The following AGBL4 variants were observed in gnomAD, a reference collection of about 807,000 sequenced individuals.
AGBL4 encodes the protein AGBL carboxypeptidase 4.
A neutral mutation model predicts 66.4 loss-of-function variants in AGBL4; 58 were observed. The observed-to-expected ratio is 0.87, with a 90% CI of 0.71 to 1.09. The LOEUF is 1.09. Among genes scored for constraint, AGBL4 ranks in the 50% least tolerant of loss-of-function variants. The pLI is 0.00. For synonymous variants in AGBL4, 234 were observed against 222.9 expected (o/e 1.05, Z -0.44); for missense variants, 579 against 631.0 (o/e 0.92, Z 0.88).
At chr1:49,761,261 T>A (rs898467235) in intron 2 of AGBL4, among the ~76,000 whole-genome samples, 1 of 152,082 alleles carries the variant, frequency 6.6e-6, no homozygotes, top group Non-Finnish European at 1.5e-5. Context: ...AAAAGAAGGC[T>A]ATCATACTTT....
intron 3 of AGBL4, among the ~76,000 whole-genome samples, chr1:49,565,736 A>G (rs1197956522): frequency 6.6e-6 from 1 of 150,542 alleles, no homozygotes; most frequent in East Asian, 2.0e-4. Flanking sequence ...TGCCCTTAAC[A>G]TTTTTTCCAT....
intron 1 of AGBL4, among the ~76,000 whole-genome samples, chr1:49,934,267 T>C (rs1653688900): frequency 6.6e-6 from 1 of 152,098 alleles, no homozygotes; most frequent in South Asian, 2.1e-4. Context: ...AGAAAATCAA[T>C]AAAAGATAAA....
intron 5 of AGBL4, among the ~76,000 whole-genome samples, chr1:48,910,038 A>G (rs1164315049): frequency 6.6e-6 from 1 of 152,200 alleles, no homozygotes; most frequent in Non-Finnish European, 1.5e-5. Flanking sequence ...TCAAATTTTT[A>G]TTTCCTAGAA....
At chr1:49,080,548 G>A (rs182522882) in intron 4 of AGBL4, among the ~76,000 whole-genome samples, 15 of 152,202 alleles carry the variant, frequency 9.9e-5, no homozygotes, top group African/African-American at 3.4e-4. Context: ...GAAATCACAG[G>A]TCAAGGCAGT....
At chr1:49,170,990 C>T (rs1646728168) in intron 4 of AGBL4, among the ~76,000 whole-genome samples, 1 of 152,112 alleles carries the variant, frequency 6.6e-6, no homozygotes, top group African/African-American at 2.4e-5. Flanking sequence ...TCAGAAATCA[C>T]AAAGTGTTTC....
intron 6 of AGBL4, among the ~76,000 whole-genome samples, chr1:48,841,730 G>T (rs1384653346): frequency 1.3e-5 from 2 of 151,988 alleles, no homozygotes; most frequent in Non-Finnish European, 2.9e-5. Context: ...TATGGTTTTC[G>T]ATGGATCCTT....
intron 3 of AGBL4, among the ~76,000 whole-genome samples, chr1:49,516,708 G>T (rs1649856774): frequency 6.6e-6 from 1 of 152,014 alleles, no homozygotes; most frequent in Non-Finnish European, 1.5e-5. Context: ...TGGGGATGGA[G>T]GAAGTGCTGT....
intron 1 of AGBL4, among the ~76,000 whole-genome samples, chr1:49,956,166 A>G (rs779434092): frequency 2.0e-5 from 3 of 151,896 alleles, no homozygotes; most frequent in Non-Finnish European, 2.9e-5. Flanking sequence ...AAATTGTGTG[A>G]TGAGCAATTA....
At chr1:49,471,079 C>G (rs917105570) in intron 3 of AGBL4, among the ~76,000 whole-genome samples, 1 of 152,006 alleles carries the variant, frequency 6.6e-6, no homozygotes, top group Non-Finnish European at 1.5e-5. Context: ...TGAAAAATCT[C>G]AGCTTAAAGA....
intron 3 of AGBL4, among the ~76,000 whole-genome samples, chr1:49,315,517 G>A (rs1356575793): frequency 2.0e-5 from 3 of 151,928 alleles, no homozygotes; most frequent in Admixed American, 2.0e-4. Flanking sequence ...CTAATATCTA[G>A]AATCTACAAA....
chr1:48,573,282 C>T (rs1569846223), intron 11 of AGBL4, among the ~76,000 whole-genome samples: 1 of 152,298 alleles, frequency 6.6e-6, no homozygotes, highest in East Asian at 1.9e-4. Context: ...AAGGTAGGTG[C>T]AGTAGGGAGA....
At chr1:49,753,454 C>T (rs1224632449) in intron 2 of AGBL4, among the ~76,000 whole-genome samples, 1 of 152,224 alleles carries the variant, frequency 6.6e-6, no homozygotes, top group Admixed American at 6.5e-5. Flanking sequence ...GTCTGATGGG[C>T]TTCCCTTTGC....
intron 1 of AGBL4, among the ~76,000 whole-genome samples, chr1:49,949,266 A>C (rs1229475116): frequency 1.3e-5 from 2 of 151,954 alleles, no homozygotes; most frequent in African/African-American, 4.8e-5. Context: ...TAAAAATTCT[A>C]AAAAATAACA....
Position 49,552,136 on chromosome 1 carries a change from C to T in AGBL4, c.282+145177G>A, listed in dbSNP as rs545053463. On this transcript the variant is annotated intron_variant, in intron 3 of 13. Coordinates refer to ENST00000371839, the MANE Select transcript of AGBL4 (RefSeq NM_032785.4). ...CCAGCTCCCATGCAAACTGAAGGGCCGGTCTCACTCCCACCGTGCCCTCAC... is the reference window on the plus strand; with the variant it reads ...CCAGCTCCCATGCAAACTGAAGGGCTGGTCTCACTCCCACCGTGCCCTCAC... 1.1e-4 allele frequency among the ~76,000 whole-genome samples: 16 copies of T among 152,140 alleles called. No individual in the cohort carries two copies. In the East Asian group the frequency reaches 1.2e-3, roughly 11 times the overall value.
At chr1:49,448,170 C>A (rs1325708498) in intron 3 of AGBL4, among the ~76,000 whole-genome samples, 1 of 152,046 alleles carries the variant, frequency 6.6e-6, no homozygotes, top group African/African-American at 2.4e-5. Context: ...GTGTATTAAT[C>A]AAAAATCTCT....
intron 4 of AGBL4, chr1:49,175,225 G>T (rs1646809881): frequency 6.6e-6 from 1 of 151,900 alleles, no homozygotes; most frequent in Non-Finnish European, 1.5e-5. Flanking sequence ...TGAACTGTAA[G>T]TTGATAAGGA....
At chr1:48,785,806 G>A (rs138202603) in intron 6 of AGBL4, among the ~76,000 whole-genome samples, 23 of 152,230 alleles carry the variant, frequency 1.5e-4, no homozygotes, top group African/African-American at 5.5e-4. Flanking sequence ...GGAAGTCACT[G>A]ACTCTCTAAC....
intron 5 of AGBL4, among the ~76,000 whole-genome samples, chr1:48,931,178 A>G (rs1039745872): frequency 1.3e-5 from 2 of 152,234 alleles, no homozygotes; most frequent in Non-Finnish European, 2.9e-5. Flanking sequence ...ATGGTGAACT[A>G]AAAATGATCT....
At chr1:48,779,426 A>G (rs1199422489) in intron 6 of AGBL4, among the ~76,000 whole-genome samples, 1 of 152,146 alleles carries the variant, frequency 6.6e-6, no homozygotes, top group Non-Finnish European at 1.5e-5. Context: ...AATCAGCTCA[A>G]ATGTCATTGC....
Sources: allele counts gnomAD v4.1 joint callset (sites outside exome capture counted in the v4.1 genomes callset), GRCh38; gene constraint gnomAD v4.1.1; transcripts MANE v1.5; gene names NCBI Gene and HGNC (gene_info 2026-07-23, HGNC 2026-07-21).